Variants in SCAPER observed in about 807,000 individuals in gnomAD.
SCAPER encodes the protein S phase cyclin A-associated protein in the endoplasmic reticulum.
Under a neutral mutation model 182.2 loss-of-function variants are expected in SCAPER, and 98 were observed. That is an observed-to-expected ratio of 0.54 (90% confidence interval 0.46 to 0.64). The LOEUF (loss-of-function observed/expected upper bound fraction) is 0.64. Among genes scored for constraint, SCAPER ranks in the 30% least tolerant of loss-of-function variants. The pLI is 0.00. For synonymous variants in SCAPER, 605 were observed against 564.6 expected (o/e 1.07, Z -1.01); for missense variants, 1,432 against 1,690.0 (o/e 0.85, Z 2.68).
chr15:76,849,102 G>T (rs1368558021), intron 4 of SCAPER, among the ~76,000 whole-genome samples: 1 of 152,146 alleles, frequency 6.6e-6, no homozygotes, highest in Admixed American at 6.5e-5. Flanking sequence ...ATATGGAGAG[G>T]AGACCAACCT....
intron 25 of SCAPER, among the ~76,000 whole-genome samples, chr15:76,449,398 C>T (rs284906): frequency 0.046 from 7,004 of 152,230 alleles, 351 homozygotes; most frequent in African/African-American, 0.13. Flanking sequence ...CCTAGAAAGT[C>T]TCTCTGGGGA....
chr15:76,528,446 C>T (rs1863470723), intron 23 of SCAPER, among the ~76,000 whole-genome samples: 2 of 152,136 alleles, frequency 1.3e-5, no homozygotes, highest in African/African-American at 4.8e-5. Context: ...ATCAACATGT[C>T]CAGAGAGGAA....
chr15:76,786,308 C>T lies in SCAPER; in HGVS notation c.772+8972G>A, dbSNP rs1285409013. ...TACCATTGCACTCCAGCCTGGGTGA[C>T]AGGGCAAGACTCTGTCTCAAAAAAA... On this transcript the variant is annotated intron_variant, in intron 8 of 31. Transcript: ENST00000563290. Among the ~76,000 whole-genome samples the T allele has an allele frequency of 6.7e-5, 8 of 119,064 alleles. No homozygotes were observed. The East Asian group carries it at 1.5e-3, about 22-fold the overall frequency. The allele number at this position is 119,064 out of a possible 152,430, so 78.1% of individuals were successfully genotyped here. A position where few individuals can be genotyped will look rare whatever the true frequency, so the allele number is the denominator to read the frequency against.
At chr15:76,512,730 A>G (rs1203660924) in intron 23 of SCAPER, among the ~76,000 whole-genome samples, 1 of 152,110 alleles carries the variant, frequency 6.6e-6, no homozygotes, top group Non-Finnish European at 1.5e-5. Context: ...TGAAAAACCT[A>G]AGACACAAGC....
At chr15:76,584,733 T>C (rs2048507326) in intron 22 of SCAPER, among the ~76,000 whole-genome samples, 1 of 152,084 alleles carries the variant, frequency 6.6e-6, no homozygotes, top group African/African-American at 2.4e-5. Context: ...TATTTATTTG[T>C]AAAAGACAGG....
chr15:76,581,691 A>G (rs1597494448), intron 22 of SCAPER, among the ~76,000 whole-genome samples: 1 of 152,112 alleles, frequency 6.6e-6, no homozygotes, highest in Non-Finnish European at 1.5e-5. Context: ...AGTTCAAGCC[A>G]TTCTTGTGCC....
At chr15:76,406,525 G>A (rs1398889874) in intron 26 of SCAPER, among the ~76,000 whole-genome samples, 1 of 151,884 alleles carries the variant, frequency 6.6e-6, no homozygotes, top group Non-Finnish European at 1.5e-5. Flanking sequence ...GCTTACGCTT[G>A]TAATCCCCAC....
In SCAPER at chr15:76,756,316, C is replaced by CCTG. The variant is rs763425922; in HGVS notation, c.1726-2371_1726-2369dup. ...TGATGGCCAGGTATGATGGCTCATG[C>CCTG]CTGGAATTCCAGTGCTTTAGAAGGC... On this transcript the variant is annotated intron_variant, in intron 14 of 31. Transcript: ENST00000563290. 4.0e-5 allele frequency among the ~76,000 whole-genome samples: 6 copies of CCTG among 150,620 alleles called. No homozygotes were observed. In the South Asian group the frequency reaches 6.3e-4, roughly 16 times the overall value.
intron 1 of SCAPER, among the ~76,000 whole-genome samples, chr15:76,899,676 G>C (rs12909065): frequency 0.33 from 49,991 of 150,618 alleles, 8,443 homozygotes; most frequent in East Asian, 0.55. Flanking sequence ...TGGAAAGTGA[G>C]GAGCACCTCT....
At chr15:76,658,055 T>C (rs2055821696) in intron 21 of SCAPER, among the ~76,000 whole-genome samples, 1 of 152,012 alleles carries the variant, frequency 6.6e-6, no homozygotes, top group Non-Finnish European at 1.5e-5. Flanking sequence ...GTACTGGAAA[T>C]CCTAACCAGA....
intron 26 of SCAPER, among the ~76,000 whole-genome samples, chr15:76,433,361 A>G (rs1022234408): frequency 6.6e-6 from 1 of 152,178 alleles, no homozygotes; most frequent in Non-Finnish European, 1.5e-5. Flanking sequence ...TACAAAAATT[A>G]GCCAGGCATG....
chr15:76,876,410 A>AGAGTAGGG (rs1318294731), intron 2 of SCAPER, among the ~76,000 whole-genome samples: 1 of 149,676 alleles, frequency 6.7e-6, no homozygotes, highest in Non-Finnish European at 1.5e-5. Context: ...CCTGGGCAAC[A>AGAGTAGGG]GAGTAGGGCT....
At chr15:76,611,592 T>A (rs552201094) in intron 22 of SCAPER, among the ~76,000 whole-genome samples, 1 of 152,160 alleles carries the variant, frequency 6.6e-6, no homozygotes. Context: ...GCCAGTATTA[T>A]CTTGATGCCA....
chr15:76,579,293 T>TAACTACAACAACAATGTTTTAAGA (rs2048091706), intron 22 of SCAPER, among the ~76,000 whole-genome samples: 14 of 114,078 alleles, frequency 1.2e-4, no homozygotes, highest in African/African-American at 3.8e-4. Context: ...AAAAAAATAG[T>TAACTACAACAACAATGTTTTAAGA]AACTACAACA....
chr15:76,893,514 C>CAA (rs879803102), intron 1 of SCAPER, among the ~76,000 whole-genome samples: 2 of 141,652 alleles, frequency 1.4e-5, no homozygotes, highest in African/African-American at 2.6e-5. Context: ...ATCATCCAGA[C>CAA]AAAAAAAAAA....
At chr15:76,821,968 A>G (rs2067597622) in intron 5 of SCAPER, among the ~76,000 whole-genome samples, 1 of 152,220 alleles carries the variant, frequency 6.6e-6, no homozygotes, top group Non-Finnish European at 1.5e-5. Flanking sequence ...TAGAGAGAGT[A>G]AAAAGATCAG....
At chr15:76,635,775 G>A (rs1171492804) in intron 21 of SCAPER, among the ~76,000 whole-genome samples, 2 of 152,060 alleles carry the variant, frequency 1.3e-5, no homozygotes, top group African/African-American at 2.4e-5. Flanking sequence ...ACAAAAGGTC[G>A]GATTTTGTTA....
intron 11 of SCAPER, among the ~76,000 whole-genome samples, chr15:76,766,178 C>T (rs1249354423): frequency 6.6e-6 from 1 of 152,050 alleles, no homozygotes; most frequent in Non-Finnish European, 1.5e-5. Flanking sequence ...CTCACTGCAA[C>T]CTCCGCCTCC....
In SCAPER at chr15:76,771,945, T is replaced by G; in HGVS notation, c.1045A>C (p.Ser349Arg). Residue 349 changes from serine (S) to arginine (R), a missense_variant, in exon 10 of 32, where the codon AGT (serine) becomes CGT (arginine). Ser to Arg is a moderately radical substitution (Grantham distance 110). This residue lies in a region of SCAPER where 480 missense variants were observed against 510.2 expected (regional missense o/e 0.94). Coordinates refer to ENST00000563290, the MANE Select transcript of SCAPER (RefSeq NM_020843.4). ...GAATTCTTCACATCATCCAATGTAC[T>G]CACTGTGAACTAACAAAACGTAGAG... ...PLAEKTQFTV[S>R]TLDDVKNSGS... The G allele has an allele frequency of 6.2e-7, 1 of 1,608,784 alleles. No individual in the cohort carries two copies. The highest frequency in any genetic ancestry group is 8.5e-7 in the Non-Finnish European group (1 of 1,178,032).
Sources: allele counts gnomAD v4.1 joint callset (sites outside exome capture counted in the v4.1 genomes callset), GRCh38; gene constraint gnomAD v4.1.1; regional missense constraint gnomAD v4.1.1; transcripts MANE v1.5; gene names NCBI Gene and HGNC (gene_info 2026-07-23, HGNC 2026-07-21).